The following REV3L variants were observed in gnomAD, a reference collection of about 807,000 sequenced individuals.
The protein encoded by REV3L is DNA polymerase zeta catalytic subunit.
REV3L carries 69 observed loss-of-function variants against 299.4 expected under a neutral mutation model. That is an observed-to-expected ratio of 0.23 (90% CI 0.19 to 0.28). REV3L has a LOEUF of 0.28. REV3L is among the 10% of genes least tolerant of loss of function. The pLI is 1.00. For missense variants in REV3L, 3,128 were observed against 3,693.8 expected (o/e 0.85, Z 3.97); for synonymous variants, 1,238 against 1,271.4 (o/e 0.97, Z 0.56).
At chr6:111,410,082 G>A (rs914177259) in intron 3 of REV3L, among the ~76,000 whole-genome samples, 2 of 152,174 alleles carry the variant, frequency 1.3e-5, no homozygotes, top group Admixed American at 1.3e-4. Flanking sequence ...GCTCAGGCCT[G>A]TAATCCCAGC....
At chr6:111,333,786 GT>G (rs1232686841) in intron 22 of REV3L, among the ~76,000 whole-genome samples, 1 of 151,990 alleles carries the variant, frequency 6.6e-6, no homozygotes, top group Non-Finnish European at 1.5e-5. Flanking sequence ...TGTAATACTG[GT>G]TATTTAGTCA....
intron 4 of REV3L, among the ~76,000 whole-genome samples, chr6:111,395,408 T>C (rs1056946006): frequency 6.6e-6 from 1 of 152,236 alleles, no homozygotes; most frequent in Non-Finnish European, 1.5e-5. Context: ...ATTTCTAGTT[T>C]TCCTCCTATA....
chr6:111,377,878 C>T (rs1162080151), intron 11 of REV3L, 35 bp from the exon 12 acceptor site: 1 of 1,575,768 alleles, frequency 6.3e-7, no homozygotes, highest in Non-Finnish European at 8.6e-7. Flanking sequence ...TGAGCATGAT[C>T]ATTAGTAAAG....
intron 19 of REV3L, among the ~76,000 whole-genome samples, chr6:111,349,667 A>G (rs1777397986): frequency 6.6e-6 from 1 of 152,202 alleles, no homozygotes; most frequent in Non-Finnish European, 1.5e-5. Context: ...CCTGGTCACA[A>G]GCAATCCGCC....
chr6:111,349,383 T>C lies in REV3L; in HGVS notation c.7301-47A>G, dbSNP rs17539896. On this transcript the variant is annotated intron_variant, in intron 19 of 31. Coordinates refer to ENST00000368802, the MANE Select transcript of REV3L (RefSeq NM_001372078.1). ...GTATCAGGGCTCACAGAAAACAAAC[T>C]TTCAATAAAATTATGCCAGGGAAAA... is the stretch of plus-strand genomic sequence containing the variant. 8.9e-4 allele frequency: 776 copies of C among 871,990 alleles called. 4 individuals are homozygous for C. In the African/African-American group the frequency reaches 0.012, roughly 13 times the overall value. 54.0% of individuals were successfully genotyped at this position (871,990 alleles called of 1,614,324 possible).
chr6:111,379,544 CTTTTA>C (rs1780622906), intron 11 of REV3L, among the ~76,000 whole-genome samples: 1 of 152,146 alleles, frequency 6.6e-6, no homozygotes, highest in Non-Finnish European at 1.5e-5. Context: ...GCTTCTTAGT[CTTTTA>C]TTTATTTGTT....
At chr6:111,446,313 T>C (rs908973892) in intron 1 of REV3L, among the ~76,000 whole-genome samples, 5 of 152,186 alleles carry the variant, frequency 3.3e-5, no homozygotes, top group African/African-American at 9.7e-5. Context: ...ACAAACTGGA[T>C]TGTTGAGAAT....
intron 1 of REV3L, among the ~76,000 whole-genome samples, chr6:111,452,684 A>G (rs1468791561): frequency 6.6e-6 from 1 of 152,202 alleles, no homozygotes; most frequent in Non-Finnish European, 1.5e-5. Context: ...GGAACTTTTT[A>G]GGGTGATAGA....
intron 31 of REV3L, among the ~76,000 whole-genome samples, chr6:111,300,563 A>G (rs1771379275): frequency 6.6e-6 from 1 of 152,250 alleles, no homozygotes; most frequent in Admixed American, 6.5e-5. Context: ...CCAGAAGAGA[A>G]AAGCAACCTG....
At chr6:111,300,533 A>AAGTT (rs1343129420) in intron 31 of REV3L, among the ~76,000 whole-genome samples, 2 of 152,242 alleles carry the variant, frequency 1.3e-5, no homozygotes, top group Non-Finnish European at 2.9e-5. Flanking sequence ...AATCATAAAA[A>AAGTT]AGTTACTCTT....
In REV3L at chr6:111,310,084, A is replaced by G. The variant is rs757454250; in HGVS notation, c.8811T>C (p.Tyr2937=). Residue 2937 remains tyrosine (Y), a synonymous_variant, in exon 30 of 32, where the codon TAT becomes TAC. Transcript: ENST00000368802. The part of the protein sequence containing the change: ...ALELTRKMLT[Y]DRRSEPQVGE... The stretch of plus-strand genomic sequence containing the variant: ...CAACCTGAGGCTCAGAGCGCCGGTC[A>G]TAAGTCAGCATTTTCCTATTCGAAT... 5.2e-6 allele frequency: 8 copies of G among 1,543,526 alleles called. No individual in the cohort carries two copies. Among genetic ancestry groups the G allele is most frequent in the South Asian group, 1.3e-5 (1 of 79,958 alleles).
intron 25 of REV3L, among the ~76,000 whole-genome samples, chr6:111,323,145 C>T (rs1018831300): frequency 4.6e-5 from 7 of 152,134 alleles, no homozygotes; most frequent in African/African-American, 1.7e-4. Flanking sequence ...CACGCCACCA[C>T]ACCCAGAGAA....
intron 1 of REV3L, chr6:111,430,717 C>CA: frequency 6.5e-7 from 1 of 1,546,880 alleles, no homozygotes; most frequent in African/African-American, 1.4e-5. Context: ...AAAAGAAAGA[C>CA]AAAGACATGC....
At chr6:111,321,681 T>G (rs1774207067) in intron 26 of REV3L, among the ~76,000 whole-genome samples, 1 of 152,188 alleles carries the variant, frequency 6.6e-6, no homozygotes, top group East Asian at 1.9e-4. Context: ...TGTATGAACA[T>G]TTTAAAGAAC....
chr6:111,402,308 T>A (rs1188198222), intron 4 of REV3L, among the ~76,000 whole-genome samples: 4 of 152,084 alleles, frequency 2.6e-5, no homozygotes, highest in African/African-American at 9.7e-5. Flanking sequence ...TTTCCCAGTC[T>A]GTGCTCACCT....
chr6:111,340,125 G>A (rs558903940), intron 21 of REV3L, among the ~76,000 whole-genome samples: 4 of 152,192 alleles, frequency 2.6e-5, no homozygotes, highest in Non-Finnish European at 5.9e-5. Context: ...GGAGAATCCC[G>A]AGTACAAAAT....
intron 12 of REV3L, among the ~76,000 whole-genome samples, chr6:111,377,484 G>GT (rs1780430347): frequency 6.6e-6 from 1 of 152,100 alleles, no homozygotes; most frequent in Admixed American, 6.5e-5. Context: ...CTACAGGCAT[G>GT]TATCACTATG....
chr6:111,367,208 A>G lies in REV3L; in HGVS notation c.6580T>C (p.Cys2194Arg). 6.2e-7 allele frequency: 1 copy of G among 1,614,062 alleles called. No homozygotes were observed. The highest frequency in any genetic ancestry group is 8.5e-7 in the Non-Finnish European group (1 of 1,179,986). Residue 2194 changes from cysteine (C) to arginine (R), a missense_variant, in exon 14 of 32, where the codon TGT (cysteine) becomes CGT (arginine). By Grantham distance (180) the Cys-to-Arg change is radical. This residue lies in a region of REV3L where 2,409 missense variants were observed against 2,611.8 expected (regional missense o/e 0.92). Coordinates refer to ENST00000368802, the MANE Select transcript of REV3L (RefSeq NM_001372078.1). ...PINTRARTGK[C>R]ESLCFHSTPI... ...GTACTATGAAAGCAAAGTGATTCAC[A>G]TTTCCCAGTTCTTGCCCTAGTATTA...
chr6:111,457,389 A>G (rs1417413726), intron 1 of REV3L, among the ~76,000 whole-genome samples: 1 of 152,082 alleles, frequency 6.6e-6, no homozygotes, highest in Non-Finnish European at 1.5e-5. Flanking sequence ...TAGGGTTATT[A>G]CATTACATTT....
Sources: gnomAD v4.1 joint callset for allele counts (sites outside exome capture counted in the v4.1 genomes callset) on GRCh38, gnomAD v4.1.1 for gene constraint, gnomAD v4.1.1 regional missense constraint, MANE v1.5 for transcripts, NCBI Gene and HGNC (gene_info 2026-07-23, HGNC 2026-07-21) for gene names.